The following ORC5 variants were observed in gnomAD, a reference collection of about 807,000 sequenced individuals.
ORC5 encodes the protein origin recognition complex subunit 5.
A neutral mutation model predicts 58.8 loss-of-function variants in ORC5; 39 were observed. The ratio of observed to expected loss-of-function variants is 0.66; its 90% CI spans 0.51 to 0.87. The LOEUF (loss-of-function observed/expected upper bound fraction) is 0.87, where lower values mean the gene tolerates loss of function less well. ORC5 is among the 40% of genes least tolerant of loss of function. ORC5 has a pLI of 0.00. For missense variants in ORC5, 493 were observed against 506.3 expected, an observed-to-expected ratio of 0.97 and a Z score of 0.25; for synonymous variants, 218 against 177.6, an observed-to-expected ratio of 1.23 and a Z score of -1.81.
intron 2 of ORC5, among the ~76,000 whole-genome samples, chr7:104,203,825 A>C (rs1315572078): frequency 1.3e-5 from 2 of 152,216 alleles, no homozygotes; most frequent in South Asian, 2.1e-4. Context: ...TGGAAAAAAA[A>C]CAATGGTAAA....
chr7:104,168,555 T>A (rs757724285), intron 8 of ORC5, 30 bp from the exon 9 acceptor site: 1 of 1,383,144 alleles, frequency 7.2e-7, no homozygotes, highest in East Asian at 2.3e-5. Context: ...CAAAAATGAA[T>A]TAAAAATAAA....
chr7:104,158,225 C>T (rs958946538), intron 12 of ORC5, among the ~76,000 whole-genome samples: 7 of 151,922 alleles, frequency 4.6e-5, no homozygotes, highest in African/African-American at 1.5e-4. Context: ...TCATTTACAG[C>T]CTTAAGAAAG....
chr7:104,183,855 GA>G (rs1799485688), intron 8 of ORC5, 87 bp downstream of exon 8: 2 of 855,028 alleles, frequency 2.3e-6, no homozygotes. Flanking sequence ...TTTTCTTTTA[GA>G]GTCCCTCTCT....
At chr7:104,174,605 C>A (rs1799283718) in intron 8 of ORC5, among the ~76,000 whole-genome samples, 2 of 152,110 alleles carry the variant, frequency 1.3e-5, no homozygotes, top group South Asian at 4.1e-4. Flanking sequence ...GGGTGATGGG[C>A]AAGCTATTGT....
At chr7:104,161,286 TC>T (rs1799018115) in intron 11 of ORC5, 104 bp from the exon 12 acceptor site, 1 of 624,868 alleles carries the variant, frequency 1.6e-6, no homozygotes. Context: ...TATATATAGT[TC>T]CCCTAAAAAT....
At chr7:104,196,193 C>T (rs1799797458) in intron 4 of ORC5, among the ~76,000 whole-genome samples, 1 of 151,378 alleles carries the variant, frequency 6.6e-6, no homozygotes, top group African/African-American at 2.4e-5. Context: ...ATCACCATTA[C>T]TGGGCATAAG....
At chr7:104,184,550 A>T in intron 6 of ORC5, 1 of 171,982 alleles carries the variant, frequency 5.8e-6, no homozygotes, top group Non-Finnish European at 1.2e-5. Context: ...ATATTCCTTA[A>T]TTGGCTAAAT....
At chr7:104,179,607 A>T (rs12705186) in intron 8 of ORC5, among the ~76,000 whole-genome samples, 64,303 of 131,548 alleles carry the variant, frequency 0.49, 16,019 homozygotes, top group Non-Finnish European at 0.65. Flanking sequence ...GAATTCTGAA[A>T]TCTGCTTCTT....
Position 104,207,871 on chromosome 7 carries a change from C to T in ORC5, c.34G>A (p.Glu12Lys), listed in dbSNP as rs750328432. 3 of 1,614,216 alleles carry T rather than the reference C, an allele frequency of 1.9e-6. No individual in the cohort carries two copies. The highest frequency in any genetic ancestry group is 1.7e-6 in the Non-Finnish European group (2 of 1,180,038). ...GACTGCAAGATGGACACTTGAGACTCGCGACAAAGCACCACGTTTTCCAAG... is the reference window on the plus strand; with the variant it reads ...GACTGCAAGATGGACACTTGAGACTTGCGACAAAGCACCACGTTTTCCAAG... ...PHLENVVLCRESQVSILQSLF... is the reference protein window; with the variant it reads ...PHLENVVLCRKSQVSILQSLF... The change falls in exon 1 of 14, where the codon GAG becomes AAG. Residue 12 changes from glutamate (E) to lysine (K), a missense_variant. Around this residue, in one of 3 missense-constraint regions of ORC5, gnomAD observed 412 missense variants for 403.7 expected, o/e 1.02. Transcript: ENST00000297431.
At chr7:104,147,115 T>C (rs1482511310) in intron 12 of ORC5, among the ~76,000 whole-genome samples, 2 of 152,152 alleles carry the variant, frequency 1.3e-5, no homozygotes, top group Non-Finnish European at 2.9e-5. Flanking sequence ...GCTAAAAAAA[T>C]CTACTTGTAA....
At chr7:104,206,345 T>A (rs968579572) in intron 1 of ORC5, among the ~76,000 whole-genome samples, 5 of 152,202 alleles carry the variant, frequency 3.3e-5, no homozygotes, top group African/African-American at 1.2e-4. Flanking sequence ...TGCAGAAAAC[T>A]GATATTAAAA....
At chr7:104,201,063 C>A in intron 2 of ORC5, 105 bp from the exon 3 acceptor site, 1 of 868,272 alleles carries the variant, frequency 1.2e-6, no homozygotes, top group Non-Finnish European at 1.8e-6. Flanking sequence ...TATATCCCAC[C>A]AAACCCACCC....
In ORC5 at chr7:104,184,080, C is replaced by A. The variant is rs766711388; in HGVS notation, c.733+43G>T. ...TTCAGTAATTTATATCTTGTAAAAACCTTTCTCAAAATAAATATTAATGAG... is the reference window on the plus strand; with the variant it reads ...TTCAGTAATTTATATCTTGTAAAAAACTTTCTCAAAATAAATATTAATGAG... On this transcript the variant is annotated intron_variant, in intron 7 of 13. Coordinates refer to ENST00000297431, the MANE Select transcript of ORC5 (RefSeq NM_002553.4). The A allele has an allele frequency of 6.3e-6, 10 of 1,588,242 alleles. No individual in the cohort carries two copies. The South Asian group carries it at 1.0e-4, about 16-fold the overall frequency.
intron 2 of ORC5, among the ~76,000 whole-genome samples, chr7:104,202,112 ACT>A (rs1799960193): frequency 6.6e-6 from 1 of 151,770 alleles, no homozygotes; most frequent in Non-Finnish European, 1.5e-5. Context: ...AACAAAAAAA[ACT>A]AGCCCTTCAT....
chr7:104,165,272 T>C lies in ORC5; in HGVS notation c.1001A>G (p.Lys334Arg). The C allele has an allele frequency of 6.5e-7, 1 of 1,533,188 alleles. No individual in the cohort carries two copies. The highest frequency in any genetic ancestry group is 8.9e-7 in the Non-Finnish European group (1 of 1,120,406). The allele number at this position is 1,533,188 out of a possible 1,614,324, so 95.0% of individuals were successfully genotyped here. A position where few individuals can be genotyped will look rare whatever the true frequency, so the allele number is the denominator to read the frequency against. Residue 334 changes from lysine (K) to arginine (R), a missense_variant, in exon 11 of 14, where the codon AAA becomes AGA. Coordinates refer to ENST00000297431, the MANE Select transcript of ORC5 (RefSeq NM_002553.4). ...DKRFFLKHHG[K>R]IKKTNFLKKH... ...TTTTAGAAAGTTGGTTTTCTTGATTTTTCCATGATGCTGCAATTAAGGAAA... is the reference window on the plus strand; with the variant it reads ...TTTTAGAAAGTTGGTTTTCTTGATTCTTCCATGATGCTGCAATTAAGGAAA...
At chr7:104,204,314 C>T (rs56390129) in intron 1 of ORC5, 80 bp from the exon 2 acceptor site, 19 of 817,834 alleles carry the variant, frequency 2.3e-5, no homozygotes, top group East Asian at 1.0e-4. Context: ...GAAAGTTGTA[C>T]GTGGAAAAGT....
At chr7:104,203,557 T>C (rs1048129197) in intron 2 of ORC5, among the ~76,000 whole-genome samples, 1 of 152,340 alleles carries the variant, frequency 6.6e-6, no homozygotes, top group Middle Eastern at 3.4e-3. Flanking sequence ...TAACATTTAA[T>C]TCTCTTAATC....
chr7:104,174,157 GA>G (rs1562818411), intron 8 of ORC5, among the ~76,000 whole-genome samples: 62 of 151,000 alleles, frequency 4.1e-4, no homozygotes, highest in African/African-American at 1.4e-3. Flanking sequence ...AAATTTTTGT[GA>G]ATACTCTTAT....
intron 3 of ORC5, among the ~76,000 whole-genome samples, chr7:104,199,559 T>G (rs1005225605): frequency 2.0e-5 from 3 of 152,262 alleles, no homozygotes; most frequent in Non-Finnish European, 4.4e-5. Flanking sequence ...TACAGCCCCT[T>G]TGTTTGGGCC....
Sources: allele counts gnomAD v4.1 joint callset (sites outside exome capture counted in the v4.1 genomes callset), GRCh38; gene constraint gnomAD v4.1.1; regional missense constraint gnomAD v4.1.1; transcripts MANE v1.5; gene names NCBI Gene and HGNC (gene_info 2026-07-23, HGNC 2026-07-21).